ASIC2: variants seen among roughly 807,000 people sequenced by gnomAD.
ASIC2 encodes the protein acid-sensing ion channel 2.
ASIC2 carries 25 observed loss-of-function variants against 57.3 expected under a neutral mutation model. The observed-to-expected ratio is 0.44, with a 90% CI of 0.32 to 0.61. ASIC2 has a LOEUF of 0.61. Among genes scored for constraint, ASIC2 ranks in the 20% least tolerant of loss-of-function variants. The probability of loss-of-function intolerance (pLI) is 0.06; values close to 1 mark genes in which losing one functional copy is unlikely to be tolerated. For missense variants in ASIC2, 641 were observed against 738.1 expected, an observed-to-expected ratio of 0.87 and a Z score of 1.52; for synonymous variants, 319 against 307.5, an observed-to-expected ratio of 1.04 and a Z score of -0.39.
chr17:33,409,164 G>A (rs745708699), intron 1 of ASIC2, among the ~76,000 whole-genome samples: 7 of 152,128 alleles, frequency 4.6e-5, no homozygotes, highest in East Asian at 1.9e-4. Flanking sequence ...GTAGTGAGCC[G>A]AAATCATGCC....
chr17:33,100,426 A>G (rs1482826599), intron 2 of ASIC2: 1 of 152,382 alleles, frequency 6.6e-6, no homozygotes, highest in African/African-American at 2.4e-5. Context: ...AACCTGGCAA[A>G]CAGGCCTGAG....
At chr17:33,860,987 T>C (rs192388982) in intron 1 of ASIC2, among the ~76,000 whole-genome samples, 2 of 152,206 alleles carry the variant, frequency 1.3e-5, no homozygotes, top group Non-Finnish European at 2.9e-5. Context: ...GAGTAAAAAT[T>C]TGCACTGTCC....
chr17:33,619,585 T>G (rs1905715610), intron 1 of ASIC2, among the ~76,000 whole-genome samples: 2 of 152,200 alleles, frequency 1.3e-5, no homozygotes, highest in Admixed American at 6.5e-5. Context: ...TCCATCAATG[T>G]GCTTACATTT....
At chr17:33,994,641 C>A (rs1023463290) in intron 1 of ASIC2, among the ~76,000 whole-genome samples, 1 of 152,066 alleles carries the variant, frequency 6.6e-6, no homozygotes, top group Non-Finnish European at 1.5e-5. Flanking sequence ...TAGCAGGCAC[C>A]GAGGACTGAA....
intron 1 of ASIC2, chr17:34,038,086 C>G: frequency 6.2e-7 from 1 of 1,613,210 alleles, no homozygotes; most frequent in Non-Finnish European, 8.5e-7. Flanking sequence ...CATCCATGAT[C>G]TTCGAAAGAC....
chr17:33,796,737 G>A (rs982550735), intron 1 of ASIC2, among the ~76,000 whole-genome samples: 1 of 152,126 alleles, frequency 6.6e-6, no homozygotes, highest in African/African-American at 2.4e-5. Context: ...TGCCTTGAAT[G>A]ACAAGTATGA....
At chr17:33,032,103 CTT>C (rs1290256517) in intron 3 of ASIC2, among the ~76,000 whole-genome samples, 1 of 152,172 alleles carries the variant, frequency 6.6e-6, no homozygotes, top group African/African-American at 2.4e-5. Context: ...TCTATTTACA[CTT>C]AATGCAATTT....
chr17:34,039,052 A>G, intron 1 of ASIC2: 1 of 1,614,154 alleles, frequency 6.2e-7, no homozygotes, highest in Non-Finnish European at 8.5e-7. Context: ...CTTTTCTATA[A>G]GGAGTTTCTT....
chr17:33,520,599 T>G (rs1210997087), intron 1 of ASIC2, among the ~76,000 whole-genome samples: 3 of 152,180 alleles, frequency 2.0e-5, no homozygotes, highest in African/African-American at 7.2e-5. Flanking sequence ...AGGGACAGTT[T>G]GGAGAGAGAC....
intron 1 of ASIC2, among the ~76,000 whole-genome samples, chr17:34,126,094 C>T (rs943520491): frequency 5.3e-5 from 8 of 152,146 alleles, no homozygotes; most frequent in African/African-American, 1.9e-4. Context: ...GTGTCTCCTC[C>T]CCTCATCTCA....
intron 1 of ASIC2, among the ~76,000 whole-genome samples, chr17:33,182,639 C>G (rs964897570): frequency 1.3e-5 from 2 of 152,164 alleles, no homozygotes; most frequent in Non-Finnish European, 2.9e-5. Context: ...AAGCCTCTCT[C>G]TCTATCATAA....
intron 1 of ASIC2, among the ~76,000 whole-genome samples, chr17:33,969,670 G>A (rs997727660): frequency 2.0e-5 from 3 of 152,186 alleles, no homozygotes; most frequent in Non-Finnish European, 4.4e-5. Flanking sequence ...GACGGGAGCT[G>A]TACCTATTCT....
chr17:33,050,461 C>T (rs2091970787), intron 3 of ASIC2, among the ~76,000 whole-genome samples: 1 of 152,096 alleles, frequency 6.6e-6, no homozygotes, highest in African/African-American at 2.4e-5. Flanking sequence ...ATAGGGTCTG[C>T]CATATAGTCT....
Position 33,196,739 on chromosome 17 carries a change from C to A in ASIC2, c.709-84672G>T, listed in dbSNP as rs994821935. On this transcript the variant is annotated intron_variant, in intron 1 of 9. Transcript: ENST00000225823. ...AGACAGAGAGGAACTGTGGAAGAGG[C>A]TAAAATTCAATTCTAGCAGGTGGGA... is the stretch of plus-strand genomic sequence containing the variant. Among the ~76,000 whole-genome samples, 4 of 152,274 alleles carry A rather than the reference C, an allele frequency of 2.6e-5. No homozygotes were observed. The East Asian group carries it at 7.7e-4, about 29-fold the overall frequency.
At chr17:33,460,918 A>G (rs1298938099) in intron 1 of ASIC2, among the ~76,000 whole-genome samples, 1 of 152,234 alleles carries the variant, frequency 6.6e-6, no homozygotes, top group Non-Finnish European at 1.5e-5. Context: ...AACAGAGCCA[A>G]TGACTCTTCC....
At position 33,076,991 on chromosome 17, in the gene ASIC2, T is replaced by C. The variant is rs561675966; in HGVS notation, c.987+11872A>G. The stretch of plus-strand genomic sequence containing the variant: ...GAAGGGAATGCATGCTTTTTTATTT[T>C]ATGGATGTGTTGTGCCACATCCCCA... On this transcript the variant is annotated intron_variant, in intron 3 of 9. Transcript: ENST00000225823. Among the ~76,000 whole-genome samples, 13 of 152,288 alleles carry C rather than the reference T, an allele frequency of 8.5e-5. No individual in the cohort carries two copies. The South Asian group carries it at 2.7e-3, about 32-fold the overall frequency.
intron 1 of ASIC2, among the ~76,000 whole-genome samples, chr17:33,391,591 A>G (rs2141952918): frequency 6.6e-6 from 1 of 152,294 alleles, no homozygotes; most frequent in Admixed American, 6.5e-5. Flanking sequence ...CAGGACTTTG[A>G]CGATCACCTC....
intron 1 of ASIC2, chr17:34,143,112 G>A (rs986547353): frequency 1.3e-5 from 2 of 152,194 alleles, no homozygotes; most frequent in Non-Finnish European, 2.9e-5. Flanking sequence ...CCAGCTCTCA[G>A]AGTGACTGGC....
At chr17:34,128,477 T>C (rs1284367530) in intron 1 of ASIC2, among the ~76,000 whole-genome samples, 1 of 152,166 alleles carries the variant, frequency 6.6e-6, no homozygotes, top group African/African-American at 2.4e-5. Flanking sequence ...ACTTATTCAA[T>C]GTGATAGTAG....
Sources: gnomAD v4.1 joint callset for allele counts (sites outside exome capture counted in the v4.1 genomes callset) on GRCh38, gnomAD v4.1.1 for gene constraint, MANE v1.5 for transcripts, NCBI Gene and HGNC (gene_info 2026-07-23, HGNC 2026-07-21) for gene names.